Variants in ERICH3 observed in about 807,000 individuals in gnomAD.
ERICH3 encodes glutamate rich 3.
A neutral mutation model predicts 131.1 loss-of-function variants in ERICH3; 126 were observed. The ratio of observed to expected loss-of-function variants is 0.96; its 90% CI spans 0.83 to 1.11. ERICH3 has a LOEUF of 1.11. Among genes scored for constraint, ERICH3 ranks in the 50% most tolerant of loss-of-function variants. ERICH3 has a pLI of 0.00. For missense variants in ERICH3, 2,050 were observed against 1,810.7 expected (o/e 1.13, Z -2.40); for synonymous variants, 695 against 644.6 (o/e 1.08, Z -1.18).
intron 8 of ERICH3, among the ~76,000 whole-genome samples, chr1:74,614,539 T>C (rs1045525631): frequency 2.2e-4 from 34 of 151,392 alleles, no homozygotes; most frequent in African/African-American, 7.3e-4. Flanking sequence ...TAGCCGGGCG[T>C]GGTAGCGGGC....
chr1:74,601,244 G>A (rs1292164114), intron 10 of ERICH3, among the ~76,000 whole-genome samples: 2 of 151,728 alleles, frequency 1.3e-5, no homozygotes, highest in Non-Finnish European at 1.5e-5. Context: ...TCCAAGTATT[G>A]CCGGCCAAGT....
Position 74,572,456 on chromosome 1 carries a change from G to T in ERICH3, c.3254C>A (p.Ala1085Glu). ...SEREEVTRAN[A>E]LKDEDAFKEE... is the part of the protein sequence containing the mutation. ...TTTAAAAGCATCTTCATCCTTGAGTGCATTTGCCCTTGTCACCTCTTCTCT... is the reference window on the plus strand; with the variant it reads ...TTTAAAAGCATCTTCATCCTTGAGTTCATTTGCCCTTGTCACCTCTTCTCT... The change falls in exon 14 of 15, where the codon GCA becomes GAA. Residue 1085 changes from alanine to glutamate, a missense_variant. By Grantham distance (107) the Ala-to-Glu change is moderately radical. Coordinates refer to ENST00000326665, the MANE Select transcript of ERICH3 (RefSeq NM_001002912.5). 3 of 1,614,032 alleles carry T rather than the reference G, an allele frequency of 1.9e-6. No homozygotes were observed. The highest frequency in any genetic ancestry group is 2.5e-6 in the Non-Finnish European group (3 of 1,180,016).
rs561734521 is a variant in ERICH3, at chr1:74,621,010, T to G, written c.820-96A>C. The G allele has an allele frequency of 2.1e-5, 21 of 1,009,424 alleles. No homozygotes were observed. In the East Asian group the frequency reaches 5.3e-4, roughly 26 times the overall value. The allele number at this position is 1,009,424 out of a possible 1,614,324, so 62.5% of individuals were successfully genotyped here. A position where few individuals can be genotyped will look rare whatever the true frequency, so the allele number is the denominator to read the frequency against. On this transcript the variant is annotated intron_variant, in intron 7 of 14. Coordinates refer to ENST00000326665, the MANE Select transcript of ERICH3 (RefSeq NM_001002912.5). ...ATATGAAGAATAAAGAAGGTTATTT[T>G]TAAGTACCTACCAACAAAATCTAAA...
intron 12 of ERICH3, among the ~76,000 whole-genome samples, chr1:74,580,516 G>C (rs1466985931): frequency 1.2e-4 from 19 of 152,106 alleles, no homozygotes; most frequent in Non-Finnish European, 2.8e-4. Flanking sequence ...TTAAAAAGGA[G>C]GTATGATGAA....
In ERICH3 at chr1:74,665,876, G is replaced by A. The variant is rs1041259420; in HGVS notation, c.23+7621C>T. ...GGGAGGGGGAGGCAGACAGAAGGGA[G>A]GGTGGCACAATTAAGTCCATGACAC... On this transcript the variant is annotated intron_variant, in intron 1 of 14. Coordinates refer to ENST00000326665, the MANE Select transcript of ERICH3 (RefSeq NM_001002912.5). Among the ~76,000 whole-genome samples, 8 of 152,276 alleles carry A rather than the reference G, an allele frequency of 5.3e-5. 1 individual carries two copies. In the South Asian group the frequency reaches 1.7e-3, roughly 32 times the overall value.
chr1:74,666,960 C>T (rs1188085652), intron 1 of ERICH3, among the ~76,000 whole-genome samples: 2 of 152,100 alleles, frequency 1.3e-5, no homozygotes, highest in Non-Finnish European at 2.9e-5. Context: ...AATAATTCTC[C>T]CTTGAGTATG....
intron 1 of ERICH3, among the ~76,000 whole-genome samples, chr1:74,665,279 G>A (rs985594436): frequency 6.6e-6 from 1 of 151,582 alleles, no homozygotes. Context: ...ATGTCTCTTG[G>A]GCTCCCCAAC....
intron 5 of ERICH3, among the ~76,000 whole-genome samples, chr1:74,640,842 T>A (rs1646431554): frequency 6.6e-6 from 1 of 152,056 alleles, no homozygotes; most frequent in Non-Finnish European, 1.5e-5. Context: ...TACCATTGAA[T>A]ATGTAGAGAT....
chr1:74,647,695 T>TGCTCCC (rs1252147188), intron 2 of ERICH3, among the ~76,000 whole-genome samples: 4 of 152,252 alleles, frequency 2.6e-5, no homozygotes, highest in Non-Finnish European at 5.9e-5. Flanking sequence ...ATTTAAGCTT[T>TGCTCCC]GCTCCCCTCT....
chr1:74,643,003 A>G (rs1454000933), intron 4 of ERICH3, 24 bp downstream of exon 4: 17 of 1,518,314 alleles, frequency 1.1e-5, no homozygotes, highest in Non-Finnish European at 1.5e-5. Flanking sequence ...CTATGAAGTA[A>G]AAGAGAGTTA....
At position 74,572,648 on chromosome 1, in the gene ERICH3, T is replaced by G. The variant is rs1337885402; in HGVS notation, c.3062A>C (p.Glu1021Ala). 3.7e-6 allele frequency: 6 copies of G among 1,613,854 alleles called. No individual in the cohort carries two copies. In the East Asian group the frequency reaches 1.3e-4, roughly 36 times the overall value. The change falls in exon 14 of 15, where the codon GAA becomes GCA. Residue 1021 changes from glutamate to alanine, a missense_variant. Coordinates refer to ENST00000326665, the MANE Select transcript of ERICH3 (RefSeq NM_001002912.5). The part of the protein sequence containing the change: ...GSPEEGSLAK[E>A]AFLCKEDVEG... ...CACATCTTCCTTGCAAAGGAAGGCT[T>G]CCTTTGCAAGGCTTCCTTCCTCAGG... is the stretch of plus-strand genomic sequence containing the variant.
chr1:74,579,841 G>T, intron 12 of ERICH3: 1 of 984,708 alleles, frequency 1.0e-6, no homozygotes, highest in Non-Finnish European at 1.2e-6. Context: ...GGAGGCAAAG[G>T]TGATTGTCAG....
At chr1:74,638,658 A>G (rs1370113374) in intron 5 of ERICH3, among the ~76,000 whole-genome samples, 1 of 152,216 alleles carries the variant, frequency 6.6e-6, no homozygotes, top group East Asian at 1.9e-4. Context: ...ATTTCCCAGC[A>G]TCCCTTGTAA....
At chr1:74,646,989 G>A (rs974783662) in intron 2 of ERICH3, among the ~76,000 whole-genome samples, 197 bp from the exon 3 acceptor site, 1 of 150,946 alleles carries the variant, frequency 6.6e-6, no homozygotes, top group Non-Finnish European at 1.5e-5. Flanking sequence ...AAAACGAGAG[G>A]GGAGAAAGAG....
At chr1:74,577,270 G>A in intron 12 of ERICH3, 1 of 185,844 alleles carries the variant, frequency 5.4e-6, no homozygotes, top group East Asian at 1.3e-4. Context: ...GCAGAAGGAA[G>A]AAACAAGAAT....
chr1:74,588,847 T>C (rs1647455961), intron 12 of ERICH3, among the ~76,000 whole-genome samples: 2 of 152,070 alleles, frequency 1.3e-5, no homozygotes, highest in Admixed American at 1.3e-4. Context: ...CCTTACTGTT[T>C]CCATGTCAAA....
chr1:74,589,306 C>T (rs1258972358), intron 12 of ERICH3: 6 of 452,660 alleles, frequency 1.3e-5, no homozygotes, highest in Non-Finnish European at 7.7e-6. Context: ...ATTAAATAAT[C>T]TCTAAAAGCC....
At position 74,646,660 on chromosome 1, in the gene ERICH3, T is replaced by G. The variant is rs1466946565; in HGVS notation, c.243+7A>C. On this transcript the variant is annotated splice_region_variant and intron_variant, in intron 3 of 14. Transcript: ENST00000326665. Reference sequence around the variant, plus strand: ...AAATAAAATAAAAAATAAGTATATATTTTTACCTCCATATCAAGAACTTTA... The same window carrying G: ...AAATAAAATAAAAAATAAGTATATAGTTTTACCTCCATATCAAGAACTTTA... 27 of 1,279,516 alleles carry G rather than the reference T, an allele frequency of 2.1e-5. No homozygotes were observed. In the Admixed American group the frequency reaches 7.3e-4, roughly 35 times the overall value. 79.3% of individuals were successfully genotyped at this position (1,279,516 alleles called of 1,614,324 possible).
Position 74,572,637 on chromosome 1 carries a change from A to G in ERICH3, c.3073T>C (p.Cys1025Arg). ...TCTTCCCCTTCCACATCTTCCTTGC[A>G]AAGGAAGGCTTCCTTTGCAAGGCTT... is the stretch of plus-strand genomic sequence containing the variant. ...EGSLAKEAFL[C>R]KEDVEGEEMV... is the part of the protein sequence containing the mutation. The change falls in exon 14 of 15, where the codon TGC becomes CGC. Residue 1025 changes from cysteine (C) to arginine (R), a missense_variant. Transcript: ENST00000326665. 6.2e-7 allele frequency: 1 copy of G among 1,613,708 alleles called. No homozygotes were observed. Among genetic ancestry groups the G allele is most frequent in the Non-Finnish European group, 8.5e-7 (1 of 1,179,886 alleles).
Sources: gnomAD v4.1 joint callset for allele counts (sites outside exome capture counted in the v4.1 genomes callset) on GRCh38, gnomAD v4.1.1 for gene constraint, MANE v1.5 for transcripts, NCBI Gene and HGNC (gene_info 2026-07-23, HGNC 2026-07-21) for gene names.